The following NFRKB variants were observed in gnomAD, a reference collection of about 807,000 sequenced individuals.
NFRKB encodes the protein nuclear factor related to kappaB binding protein.
Under a neutral mutation model 135.7 loss-of-function variants are expected in NFRKB, and 62 were observed. The observed-to-expected ratio is 0.46, with a 90% CI of 0.37 to 0.56. The LOEUF (loss-of-function observed/expected upper bound fraction) is 0.56. Ranked by LOEUF, NFRKB falls within the 20% of genes least tolerant of loss-of-function variation. The probability of loss-of-function intolerance (pLI) is 0.00; values close to 1 mark genes in which losing one functional copy is unlikely to be tolerated. For synonymous variants in NFRKB, 678 were observed against 635.6 expected, an observed-to-expected ratio of 1.07 and a Z score of -1.00; for missense variants, 1,545 against 1,662.0, an observed-to-expected ratio of 0.93 and a Z score of 1.22.
intron 24 of NFRKB, among the ~76,000 whole-genome samples, chr11:129,868,050 G>T (rs1180775772): frequency 6.6e-6 from 1 of 151,822 alleles, no homozygotes; most frequent in Non-Finnish European, 1.5e-5. Flanking sequence ...TGATCCTGGG[G>T]TAAGGAAGAC....
intron 2 of NFRKB, chr11:129,893,071 C>A: frequency 7.0e-7 from 1 of 1,422,486 alleles, no homozygotes; most frequent in Non-Finnish European, 9.2e-7. Context: ...CCTGGAAGAG[C>A]TCTTTTCTCA....
At chr11:129,877,002 G>T in intron 16 of NFRKB, 107 bp from the exon 17 acceptor site, 1 of 1,111,148 alleles carries the variant, frequency 9.0e-7, no homozygotes, top group Non-Finnish European at 1.3e-6. Context: ...AAACAGGAAG[G>T]AACAAGTGAT....
Position 129,882,537 on chromosome 11 carries a change from G to T in NFRKB, c.996C>A (p.Asp332Glu). The T allele has an allele frequency of 6.2e-7, 1 of 1,614,050 alleles. No homozygotes were observed. The highest frequency in any genetic ancestry group is 1.1e-5 in the South Asian group (1 of 91,066). Residue 332 changes from aspartate to glutamate, a missense_variant, in exon 10 of 27, where the codon GAC becomes GAA. By Grantham distance (45) the Asp-to-Glu change is conservative. Coordinates refer to ENST00000682444, the MANE Select transcript of NFRKB (RefSeq NM_001143835.2). ...CAGTACTGCTTAGCGGCTCGGCCAG[G>T]TCCTCTGCCTCTGATTTGATCGTTT... ...KIKTIKSEAE[D>E]LAEPLSSTEG...
chr11:129,870,769 G>A (rs903951484), intron 23 of NFRKB, among the ~76,000 whole-genome samples: 1 of 152,096 alleles, frequency 6.6e-6, no homozygotes, highest in Non-Finnish European at 1.5e-5. Context: ...TGTAACAGAT[G>A]CAAGCCTTTT....
In NFRKB at chr11:129,864,824, G is replaced by A; in HGVS notation, c.3801C>T (p.Ser1267=). 6.2e-7 allele frequency: 1 copy of A among 1,614,240 alleles called. No individual in the cohort carries two copies. The highest frequency in any genetic ancestry group is 8.5e-7 in the Non-Finnish European group (1 of 1,180,042). Residue 1267 remains serine, a synonymous_variant, in exon 27 of 27, where the codon TCC becomes TCT. Coordinates refer to ENST00000682444, the MANE Select transcript of NFRKB (RefSeq NM_001143835.2). ...CAGAAGCTGTTCCCTGTTGGAGATGGGATGCAGGGACAGTCTGGATGCGCA... is the reference window on the plus strand; with the variant it reads ...CAGAAGCTGTTCCCTGTTGGAGATGAGATGCAGGGACAGTCTGGATGCGCA... ...TQVRIQTVPA[S]HLQQGTASGS... is the part of the protein sequence containing the mutation.
intron 4 of NFRKB, among the ~76,000 whole-genome samples, chr11:129,886,775 T>A (rs1000521748): frequency 2.0e-5 from 3 of 152,214 alleles, no homozygotes; most frequent in Admixed American, 1.3e-4. Context: ...ACGACCATAC[T>A]GTTTCGGGGG....
chr11:129,872,807 G>A (rs1391871423), intron 23 of NFRKB, 77 bp downstream of exon 23: 1 of 1,427,758 alleles, frequency 7.0e-7, no homozygotes, highest in African/African-American at 1.4e-5. Context: ...CATGCAGTCT[G>A]GCCAAGAACC....
chr11:129,873,635 G>A (rs998951388), intron 22 of NFRKB, 110 bp downstream of exon 22: 14 of 1,405,804 alleles, frequency 1.0e-5, no homozygotes, highest in Non-Finnish European at 1.4e-5. Context: ...ATCACCAGTA[G>A]CAATAATCTA....
At chr11:129,879,784 C>T (rs117313451) in intron 13 of NFRKB, among the ~76,000 whole-genome samples, 453 of 152,340 alleles carry the variant, frequency 3.0e-3, no homozygotes, top group Non-Finnish European at 4.6e-3. Flanking sequence ...GTGCCCTGCA[C>T]CACACACATG....
At position 129,864,738 on chromosome 11, in the gene NFRKB, G is replaced by A. The variant is rs148264367; in HGVS notation, c.3887C>T (p.Pro1296Leu). The A allele has an allele frequency of 1.1e-4, 176 of 1,614,100 alleles. 1 individual carries two copies. The highest frequency in any genetic ancestry group is 1.4e-4 in the Non-Finnish European group (166 of 1,180,050). The change falls in exon 27 of 27, where the codon CCT (proline) becomes CTT (leucine). Residue 1296 changes from proline (P) to leucine (L), a missense_variant. Around this residue, in one of 3 missense-constraint regions of NFRKB, gnomAD observed 753 missense variants for 804.3 expected, o/e 0.94. Transcript: ENST00000682444. ...VTTAPSPKQA[P>L]EQQ ...CCTCTCTCATAATCATTGTTGCTCA[G>A]GTGCCTGTTTAGGAGACGGAGCTGT...
At chr11:129,890,018 TG>T (rs913714037) in intron 3 of NFRKB, among the ~76,000 whole-genome samples, 2 of 131,642 alleles carry the variant, frequency 1.5e-5, no homozygotes, top group Admixed American at 8.4e-5. Context: ...TGATACTTTT[TG>T]GGTTTTTTTG....
chr11:129,892,872 T>G lies in NFRKB; in HGVS notation c.-21-2A>C. ...CATTGTTTCTTCTCCACAGGTACTC[T>G]GGACAAAGACATGCATCTTGAGACA... On this transcript the variant is annotated splice_acceptor_variant, in intron 2 of 26. Coordinates refer to ENST00000682444, the MANE Select transcript of NFRKB (RefSeq NM_001143835.2). LOFTEE classifies it low-confidence loss of function (5UTR_SPLICE). 6.2e-7 allele frequency: 1 copy of G among 1,614,204 alleles called. No homozygotes were observed. The highest frequency in any genetic ancestry group is 8.5e-7 in the Non-Finnish European group (1 of 1,180,028).
chr11:129,877,496 A>G, intron 15 of NFRKB, 111 bp from the exon 16 acceptor site: 3 of 1,004,204 alleles, frequency 3.0e-6, no homozygotes, highest in South Asian at 2.6e-5. Context: ...TCCCTCAAGA[A>G]GCACTCAATT....
chr11:129,892,222 C>G (rs1016404644), intron 3 of NFRKB, among the ~76,000 whole-genome samples: 5 of 152,184 alleles, frequency 3.3e-5, no homozygotes, highest in African/African-American at 1.2e-4. Context: ...ATCCTTCCCC[C>G]CAAGTCCCCA....
chr11:129,874,426 T>C lies in NFRKB; in HGVS notation c.2058+75A>G. 1 of 1,557,714 alleles carries C rather than the reference T, an allele frequency of 6.4e-7. No homozygotes were observed. Among genetic ancestry groups the C allele is most frequent in the Non-Finnish European group, 8.7e-7 (1 of 1,153,456 alleles). ...ACAGCTCCTGATGCCCCACACCAAG[T>C]GAAAGCCGAGCAGCCACTCTTAGTT... On this transcript the variant is annotated intron_variant, in intron 20 of 26. Transcript: ENST00000682444. This position sits in a 1 kb window ranked among gnomAD's most constrained non-coding sequence, Gnocchi z 4.5.
rs1404593389 is a variant in NFRKB, at chr11:129,888,718, C to T, written c.213G>A (p.Gln71=). ...CTTCAGGAAACTGGGGCAGAAACTGCTGGAGGTGTTCACGTTGAGAATCAC... is the reference window on the plus strand; with the variant it reads ...CTTCAGGAAACTGGGGCAGAAACTGTTGGAGGTGTTCACGTTGAGAATCAC... ...VLSDSQREHL[Q]QFLPQFPEDS... Residue 71 remains glutamine, a synonymous_variant, in exon 4 of 27, where the codon CAG becomes CAA. Coordinates refer to ENST00000682444, the MANE Select transcript of NFRKB (RefSeq NM_001143835.2). The T allele has an allele frequency of 6.2e-7, 1 of 1,614,094 alleles. No homozygotes were observed. Among genetic ancestry groups the T allele is most frequent in the African/African-American group, 1.3e-5 (1 of 74,936 alleles).
At chr11:129,889,173 G>T (rs549551292) in intron 3 of NFRKB, among the ~76,000 whole-genome samples, 1 of 151,992 alleles carries the variant, frequency 6.6e-6, no homozygotes, top group African/African-American at 2.4e-5. Context: ...TGTTGACCAG[G>T]CTGGTCTCAA....
intron 7 of NFRKB, 25 bp from the exon 8 acceptor site, chr11:129,884,168 T>C (rs1949161860): frequency 6.2e-7 from 1 of 1,605,396 alleles, no homozygotes; most frequent in African/African-American, 1.3e-5. Flanking sequence ...CAAACCATAT[T>C]CACTATCATG....
At chr11:129,895,074 C>T (rs1303357313) in intron 1 of NFRKB, among the ~76,000 whole-genome samples, 2 of 152,218 alleles carry the variant, frequency 1.3e-5, no homozygotes, top group Non-Finnish European at 2.9e-5. Flanking sequence ...TCCAGATCTT[C>T]GGGCGTTCTG....
Sources: gnomAD v4.1 joint callset for allele counts (sites outside exome capture counted in the v4.1 genomes callset) on GRCh38, gnomAD v4.1.1 for gene constraint, gnomAD v4.1.1 regional missense constraint, Gnocchi (gnomAD v3.1) non-coding constraint, MANE v1.5 for transcripts, NCBI Gene and HGNC (gene_info 2026-07-23, HGNC 2026-07-21) for gene names.